The following LRPPRC variants were observed in gnomAD, a reference collection of about 807,000 sequenced individuals.
LRPPRC encodes the protein leucine-rich PPR motif-containing protein, mitochondrial.
LRPPRC carries 120 observed loss-of-function variants against 180.3 expected under a neutral mutation model. The ratio of observed to expected loss-of-function variants is 0.67; its 90% confidence interval spans 0.57 to 0.77. LRPPRC has a LOEUF of 0.77. Among genes scored for constraint, LRPPRC ranks in the 30% least tolerant of loss-of-function variants. The pLI is 0.00. For missense variants in LRPPRC, 2,012 were observed against 1,657.2 expected (o/e 1.21, Z -3.72); for synonymous variants, 723 against 600.0 (o/e 1.21, Z -3.00).
upstream of LRPPRC, chr2:43,996,119 A>C: frequency 1.7e-6 from 1 of 574,886 alleles, no homozygotes; most frequent in South Asian, 2.1e-5. Flanking sequence ...CCGAGGACAG[A>C]AGACCCAATG....
At chr2:43,931,066 A>T (rs546488535) in intron 25 of LRPPRC, among the ~76,000 whole-genome samples, 9 of 152,148 alleles carry the variant, frequency 5.9e-5, no homozygotes, top group Non-Finnish European at 1.0e-4. Flanking sequence ...CAAAAAAGTT[A>T]AATGATGTAT....
intron 14 of LRPPRC, among the ~76,000 whole-genome samples, chr2:43,956,612 G>T (rs1306810384): frequency 6.6e-6 from 1 of 152,066 alleles, no homozygotes; most frequent in Non-Finnish European, 1.5e-5. Context: ...TACAGAGGAT[G>T]GGCACAGTGG....
chr2:43,899,263 G>C lies in LRPPRC; in HGVS notation c.3781C>G (p.Leu1261Val), dbSNP rs1291011992. 1 of 1,614,010 alleles carries C rather than the reference G, an allele frequency of 6.2e-7. No homozygotes were observed. Among genetic ancestry groups the C allele is most frequent in the Non-Finnish European group, 8.5e-7 (1 of 1,180,010 alleles). ...YKPVTDFFLQ[L>V]VDAGKVDDAR... ...TCATCCACCTTGCCTGCATCCACAA[G>C]TTGAAGGAAAAAATCAGTGACAGGT... is the stretch of plus-strand genomic sequence containing the variant. Residue 1261 changes from leucine (L) to valine (V), a missense_variant, in exon 34 of 38, where the codon CTT (leucine) becomes GTT (valine). Transcript: ENST00000260665.
intron 11 of LRPPRC, among the ~76,000 whole-genome samples, chr2:43,969,788 T>C (rs1219206665): frequency 6.6e-6 from 1 of 152,002 alleles, no homozygotes; most frequent in Non-Finnish European, 1.5e-5. Context: ...GCTCTAGCAA[T>C]CCTCCCACCC....
intron 30 of LRPPRC, among the ~76,000 whole-genome samples, chr2:43,907,668 G>T (rs912483677): frequency 6.6e-6 from 1 of 152,152 alleles, no homozygotes; most frequent in African/African-American, 2.4e-5. Flanking sequence ...GAACTGGATA[G>T]CAGAGAATTC....
chr2:43,982,933 T>C (rs895128187), intron 1 of LRPPRC, among the ~76,000 whole-genome samples: 1 of 97,926 alleles, frequency 1.0e-5, no homozygotes, highest in Non-Finnish European at 2.1e-5. Context: ...CGATGCAGGG[T>C]TTTTTTTTTT....
At chr2:43,927,137 A>G (rs1671908710) in intron 25 of LRPPRC, among the ~76,000 whole-genome samples, 1 of 152,194 alleles carries the variant, frequency 6.6e-6, no homozygotes, top group African/African-American at 2.4e-5. Context: ...CTACATTTCA[A>G]TCACAGCATT....
chr2:43,976,379 C>A, intron 5 of LRPPRC, 150 bp from the exon 6 acceptor site: 1 of 630,390 alleles, frequency 1.6e-6, no homozygotes. Flanking sequence ...GAACTAATCC[C>A]TTTGATCCCC....
Position 43,887,129 on chromosome 2 carries a change from G to C in LRPPRC, c.*1471C>G, listed in dbSNP as rs563568324. 3.6e-4 allele frequency: 30 copies of C among 84,056 alleles called. 1 individual carries two copies. The Admixed American group carries it at 4.4e-3, about 12-fold the overall frequency. The allele number at this position is 84,056 out of a possible 1,614,324, so 5.2% of individuals were successfully genotyped here. On this transcript the variant is annotated 3_prime_UTR_variant, in exon 38 of 38. Transcript: ENST00000260665. ...CCACTGCACTCTGGCTTAAGCAACA[G>C]AGCAAGACTATCTCAAAAAAAAAAA... is the stretch of plus-strand genomic sequence containing the variant.
intron 24 of LRPPRC, 40 bp from the exon 25 acceptor site, chr2:43,934,336 A>T: frequency 1.1e-6 from 1 of 896,410 alleles, no homozygotes; most frequent in Non-Finnish European, 1.8e-6. Flanking sequence ...TAGGAGAAAA[A>T]AAAACCCAGA....
chr2:43,935,024 G>A (rs2105061116), intron 23 of LRPPRC, 146 bp from the exon 24 acceptor site: 8 of 593,160 alleles, frequency 1.3e-5, no homozygotes, highest in East Asian at 2.9e-5. Flanking sequence ...GCTAAAATGG[G>A]GGAAAAAAAG....
At chr2:43,899,120 G>T in intron 34 of LRPPRC, 99 bp downstream of exon 34, 1 of 810,086 alleles carries the variant, frequency 1.2e-6, no homozygotes, top group Non-Finnish European at 2.1e-6. Context: ...ACACCACACT[G>T]AATTTCTAGT....
chr2:43,989,140 G>A lies in LRPPRC; in HGVS notation c.149+6659C>T, dbSNP rs564593114. ...TTCCTGCCTCAGACTCTCAAAGTGCGGAGATTACTGGGCCTGGCCTAAAAA... is the reference window on the plus strand; with the variant it reads ...TTCCTGCCTCAGACTCTCAAAGTGCAGAGATTACTGGGCCTGGCCTAAAAA... On this transcript the variant is annotated intron_variant, in intron 1 of 37. Coordinates refer to ENST00000260665, the MANE Select transcript of LRPPRC (RefSeq NM_133259.4). Among the ~76,000 whole-genome samples, 14 of 152,226 alleles carry A rather than the reference G, an allele frequency of 9.2e-5. No individual in the cohort carries two copies. In the East Asian group the frequency reaches 1.4e-3, roughly 15 times the overall value.
At chr2:43,934,726 T>C (rs777710276) in intron 24 of LRPPRC, 28 bp downstream of exon 24, 5 of 1,600,464 alleles carry the variant, frequency 3.1e-6, no homozygotes, top group Middle Eastern at 1.7e-4. Context: ...AAAAAAAAAC[T>C]ACATTAAGAT....
chr2:43,991,577 AG>A (rs1282428013), intron 1 of LRPPRC, among the ~76,000 whole-genome samples: 1 of 152,234 alleles, frequency 6.6e-6, no homozygotes, highest in Non-Finnish European at 1.5e-5. Context: ...CACACAAAGC[AG>A]CTCTGATCCA....
At chr2:43,941,842 A>G (rs544709439) in intron 23 of LRPPRC, among the ~76,000 whole-genome samples, 1 of 151,160 alleles carries the variant, frequency 6.6e-6, no homozygotes, top group Non-Finnish European at 1.5e-5. Flanking sequence ...TAGTCTAAAA[A>G]AAAAAAAAAA....
intron 1 of LRPPRC, among the ~76,000 whole-genome samples, chr2:43,993,957 T>C (rs986934432): frequency 6.6e-6 from 1 of 152,088 alleles, no homozygotes; most frequent in Non-Finnish European, 1.5e-5. Context: ...GTTAGTAAGA[T>C]GGCTGAGATT....
intron 3 of LRPPRC, 37 bp downstream of exon 3, chr2:43,979,789 C>A (rs747870681): frequency 2.5e-6 from 4 of 1,600,404 alleles, no homozygotes; most frequent in Non-Finnish European, 3.4e-6. Flanking sequence ...AAAACATCTA[C>A]ACCTTTTATA....
intron 30 of LRPPRC, among the ~76,000 whole-genome samples, chr2:43,910,833 ATAAAAT>A (rs1671230124): frequency 6.6e-6 from 1 of 152,142 alleles, no homozygotes; most frequent in Non-Finnish European, 1.5e-5. Flanking sequence ...AAATAAATAA[ATAAAAT>A]TAAAATCTGT....
Sources: allele counts gnomAD v4.1 joint callset (sites outside exome capture counted in the v4.1 genomes callset), GRCh38; gene constraint gnomAD v4.1.1; transcripts MANE v1.5; gene names NCBI Gene and HGNC (gene_info 2026-07-23, HGNC 2026-07-21).